Variants in ZMIZ1 observed in about 807,000 individuals in gnomAD.
The protein encoded by ZMIZ1 is zinc finger MIZ-type containing 1.
A neutral mutation model predicts 113.9 loss-of-function variants in ZMIZ1; 17 were observed. That is an observed-to-expected ratio of 0.15 (90% CI 0.10 to 0.22). The LOEUF (loss-of-function observed/expected upper bound fraction) is 0.22. Among genes scored for constraint, ZMIZ1 ranks in the 10% least tolerant of loss-of-function variants. The pLI, the probability that ZMIZ1 is intolerant of heterozygous loss-of-function variation, is 1.00. For synonymous variants in ZMIZ1, 607 were observed against 603.1 expected, an observed-to-expected ratio of 1.01 and a Z score of -0.09; for missense variants, 1,059 against 1,477.8, an observed-to-expected ratio of 0.72 and a Z score of 4.65.
chr10:79,169,647 G>T (rs564222705), intron 4 of ZMIZ1, among the ~76,000 whole-genome samples: 2 of 152,228 alleles, frequency 1.3e-5, no homozygotes, highest in Admixed American at 1.3e-4. Flanking sequence ...AAAGTGTGGC[G>T]TGTGGTCAAA....
intron 3 of ZMIZ1, among the ~76,000 whole-genome samples, chr10:79,159,121 C>T (rs1846009071): frequency 2.0e-5 from 3 of 152,202 alleles, no homozygotes; most frequent in Admixed American, 2.0e-4. Flanking sequence ...GGTGGGCTTC[C>T]ACTGGCCTTG....
chr10:79,259,251 G>A (rs776337950), intron 7 of ZMIZ1, among the ~76,000 whole-genome samples: 2 of 152,174 alleles, frequency 1.3e-5, no homozygotes, highest in Admixed American at 6.5e-5. Flanking sequence ...GGGGGCTGGA[G>A]CTCTCCTGTC....
At chr10:79,081,524 G>A (rs1055254620) in intron 1 of ZMIZ1, among the ~76,000 whole-genome samples, 18 of 152,322 alleles carry the variant, frequency 1.2e-4, no homozygotes, top group African/African-American at 3.6e-4. Context: ...TGAGAAGGCC[G>A]TCTGTCTTCC....
At chr10:79,239,147 T>TGGTC (rs201606554) in intron 7 of ZMIZ1, among the ~76,000 whole-genome samples, 7,693 of 152,286 alleles carry the variant, frequency 0.051, 242 homozygotes, top group Non-Finnish European at 0.075. Context: ...GTTTATGCCC[T>TGGTC]GACCCCTCAG....
chr10:79,247,758 A>G (rs1470645718), intron 7 of ZMIZ1, among the ~76,000 whole-genome samples: 2 of 151,820 alleles, frequency 1.3e-5, no homozygotes, highest in African/African-American at 2.4e-5. Flanking sequence ...CTCCCAAACC[A>G]CCCTGGAGAG....
intron 4 of ZMIZ1, among the ~76,000 whole-genome samples, chr10:79,175,573 G>A (rs1360844330): frequency 6.9e-6 from 1 of 145,076 alleles, no homozygotes; most frequent in African/African-American, 2.7e-5. Context: ...TCTCTAATCT[G>A]TGCACTCTGC....
At position 79,296,721 on chromosome 10, in the gene ZMIZ1, ACCGG is replaced by A. The variant is rs564536301; in HGVS notation, c.1413+69_1413+72del. The A allele has an allele frequency of 2.4e-4, 343 of 1,422,236 alleles. 2 individuals carry two copies. The African/African-American group carries it at 4.5e-3, about 19-fold the overall frequency. The allele number at this position is 1,422,236 out of a possible 1,614,324, so 88.1% of individuals were successfully genotyped here. A position where few individuals can be genotyped will look rare whatever the true frequency, so the allele number is the denominator to read the frequency against. On this transcript the variant is annotated intron_variant, in intron 13 of 24. Coordinates refer to ENST00000334512, the MANE Select transcript of ZMIZ1 (RefSeq NM_020338.4). This position sits in a 1 kb window ranked among gnomAD's most constrained non-coding sequence, Gnocchi z 4.1. The stretch of plus-strand genomic sequence containing the variant: ...CTAACCACCTCACTCCCCTAACTCC[ACCGG>A]GATCACTCTGACCCTGCGTGTGTTT...
intron 8 of ZMIZ1, among the ~76,000 whole-genome samples, chr10:79,283,452 A>T (rs1852867268): frequency 6.6e-6 from 1 of 152,188 alleles, no homozygotes; most frequent in Non-Finnish European, 1.5e-5. Context: ...ACCAGTCATT[A>T]TTCCCCTGAT....
intron 8 of ZMIZ1, among the ~76,000 whole-genome samples, chr10:79,287,175 C>G (rs1374841201): frequency 6.6e-6 from 1 of 152,202 alleles, no homozygotes; most frequent in Non-Finnish European, 1.5e-5. Flanking sequence ...GGTGGTGTGC[C>G]GGGTCCCCAG....
intron 9 of ZMIZ1, chr10:79,290,605 G>A (rs910906259): frequency 2.3e-6 from 1 of 430,570 alleles, no homozygotes; most frequent in Non-Finnish European, 4.5e-6. Context: ...GGGGCAGTAG[G>A]CTTCATGGCC....
chr10:79,081,670 G>GC (rs1471967967), intron 1 of ZMIZ1, among the ~76,000 whole-genome samples: 3 of 152,198 alleles, frequency 2.0e-5, no homozygotes, highest in Non-Finnish European at 4.4e-5. Context: ...GCCTGGCCCT[G>GC]CCCCCTGCCA....
At chr10:79,107,669 C>T (rs1384569145) in intron 1 of ZMIZ1, among the ~76,000 whole-genome samples, 6 of 152,206 alleles carry the variant, frequency 3.9e-5, no homozygotes, top group Non-Finnish European at 5.9e-5. Flanking sequence ...AAGGCTCCTC[C>T]GTTGATGGAC....
At chr10:79,127,312 C>T (rs1844561185) in intron 2 of ZMIZ1, among the ~76,000 whole-genome samples, 1 of 152,176 alleles carries the variant, frequency 6.6e-6, no homozygotes, top group African/African-American at 2.4e-5. Flanking sequence ...GCAGCGGCCT[C>T]TCTCTCATGC....
In ZMIZ1 at chr10:79,244,139, CT is replaced by C. The variant is rs545296926; in HGVS notation, c.280+27868del. ...GAGGGTCCTCGACTTCAAGCTGCTCCTTTGTCAGAATGCAGCCCTGATGCCT... is the reference window on the plus strand; with the variant it reads ...GAGGGTCCTCGACTTCAAGCTGCTCCTTGTCAGAATGCAGCCCTGATGCCT... On this transcript the variant is annotated intron_variant, in intron 7 of 24. Transcript: ENST00000334512. Among the ~76,000 whole-genome samples, 22 of 152,378 alleles carry C rather than the reference CT, an allele frequency of 1.4e-4. No individual in the cohort carries two copies. In the East Asian group the frequency reaches 4.2e-3, roughly 29 times the overall value.
At chr10:79,305,377 G>T (rs1370967950) in intron 20 of ZMIZ1, 146 bp downstream of exon 20, 3 of 1,212,566 alleles carry the variant, frequency 2.5e-6, no homozygotes, top group Non-Finnish European at 3.6e-6. Flanking sequence ...GCTCCAGGTG[G>T]TCCCTTGGTA....
chr10:79,206,917 A>T (rs1184204113), intron 5 of ZMIZ1, among the ~76,000 whole-genome samples: 1 of 152,166 alleles, frequency 6.6e-6, no homozygotes, highest in African/African-American at 2.4e-5. Flanking sequence ...CCCATTTTTA[A>T]ATACCTTGCC....
chr10:79,268,605 T>C (rs942330947), intron 7 of ZMIZ1, among the ~76,000 whole-genome samples: 1 of 152,206 alleles, frequency 6.6e-6, no homozygotes, highest in African/African-American at 2.4e-5. Context: ...GTGCCAGGGT[T>C]GTAGAAGTGA....
intron 7 of ZMIZ1, among the ~76,000 whole-genome samples, chr10:79,227,508 C>A (rs1849240422): frequency 6.6e-6 from 1 of 152,172 alleles, no homozygotes; most frequent in African/African-American, 2.4e-5. Flanking sequence ...TCAGTTAACT[C>A]CTTTGTGCCA....
At chr10:79,130,654 T>A (rs187796581) in intron 2 of ZMIZ1, among the ~76,000 whole-genome samples, 22 of 152,092 alleles carry the variant, frequency 1.4e-4, no homozygotes, top group Admixed American at 6.5e-4. Context: ...AATATGAGGG[T>A]CTGATTCCGG....
Sources: gnomAD v4.1 joint callset for allele counts (sites outside exome capture counted in the v4.1 genomes callset) on GRCh38, gnomAD v4.1.1 for gene constraint, Gnocchi (gnomAD v3.1) non-coding constraint, MANE v1.5 for transcripts, NCBI Gene and HGNC (gene_info 2026-07-23, HGNC 2026-07-21) for gene names.